Variants in ZDHHC8 observed in about 807,000 individuals in gnomAD.
The protein encoded by ZDHHC8 is palmitoyltransferase ZDHHC8.
Under a neutral mutation model 61.2 loss-of-function variants are expected in ZDHHC8, and 24 were observed. That is an observed-to-expected ratio of 0.39 (90% CI 0.28 to 0.55). ZDHHC8 has a LOEUF of 0.55. Ranked by LOEUF, ZDHHC8 falls within the 20% of genes least tolerant of loss-of-function variation. The pLI is 0.60. For missense variants in ZDHHC8, 935 were observed against 1,102.1 expected, an observed-to-expected ratio of 0.85 and a Z score of 2.15; for synonymous variants, 523 against 492.5, an observed-to-expected ratio of 1.06 and a Z score of -0.82.
Position 20,145,374 on chromosome 22 carries a change from G to A in ZDHHC8, c.2272G>A (p.Gly758Arg). ...GGTTAAGAAGGTGTCCGGCGTGGGT[G>A]GGACCACCTACGAGATCTCGGTGTG... The part of the protein sequence containing the change: ...TLVKKVSGVG[G>R]TTYEISV Residue 758 changes from glycine to arginine, a missense_variant, in exon 11 of 11, where the codon GGG (glycine) becomes AGG (arginine). Gly to Arg is a moderately radical substitution (Grantham distance 125). Around this residue, in one of 3 missense-constraint regions of ZDHHC8, gnomAD observed 692 missense variants for 731.4 expected, o/e 0.95. Transcript: ENST00000334554. 1 of 1,570,698 alleles carries A rather than the reference G, an allele frequency of 6.4e-7. No homozygotes were observed. Among genetic ancestry groups the A allele is most frequent in the Non-Finnish European group, 8.6e-7 (1 of 1,158,854 alleles).
Position 20,140,157 on chromosome 22 carries a change from C to T in ZDHHC8, c.600C>T (p.Val200=). 6.2e-7 allele frequency: 1 copy of T among 1,613,738 alleles called. No homozygotes were observed. ...MCVAGLFFIP[V]IGLTGFHVVL... ...TGGCCGGCCTCTTCTTCATCCCTGT[C>T]ATTGGCCTCACTGGCTTCCATGTGG... is the stretch of plus-strand genomic sequence containing the variant. Residue 200 remains valine (V), a synonymous_variant, in exon 5 of 11, where the codon GTC becomes GTT. Transcript: ENST00000334554.
chr22:20,131,891 C>T lies in ZDHHC8; in HGVS notation c.-57C>T. ...CCCGCCCGCCCGACCCCGGCCCGAC[C>T]CCGGCCGGCCCTGCCCGCCCGGCCC... is the stretch of plus-strand genomic sequence containing the variant. On this transcript the variant is annotated 5_prime_UTR_variant, in exon 1 of 11. Transcript: ENST00000334554. The T allele has an allele frequency of 1.2e-6, 1 of 835,702 alleles. No individual in the cohort carries two copies. The highest frequency in any genetic ancestry group is 1.4e-6 in the Non-Finnish European group (1 of 692,560). 51.8% of individuals were successfully genotyped at this position (835,702 alleles called of 1,614,324 possible).
intron 1 of ZDHHC8, among the ~76,000 whole-genome samples, chr22:20,132,431 T>C (rs972345977): frequency 2.6e-5 from 4 of 152,146 alleles, no homozygotes; most frequent in Admixed American, 2.6e-4. Flanking sequence ...CAACCATGAG[T>C]CTTCTCTGCA....
chr22:20,134,416 C>T (rs1249540843), intron 1 of ZDHHC8, among the ~76,000 whole-genome samples: 1 of 152,206 alleles, frequency 6.6e-6, no homozygotes, highest in East Asian at 1.9e-4. Context: ...AGCAGCTGTG[C>T]TGATTCTGGG....
At chr22:20,132,181 G>A in intron 1 of ZDHHC8, 130 bp downstream of exon 1, 1 of 418,322 alleles carries the variant, frequency 2.4e-6, no homozygotes, top group Middle Eastern at 8.4e-4. Flanking sequence ...CCGGCTGCAG[G>A]CGATGGCAGT....
At chr22:20,136,413 T>C (rs1034042333) in intron 1 of ZDHHC8, among the ~76,000 whole-genome samples, 7 of 152,226 alleles carry the variant, frequency 4.6e-5, no homozygotes, top group Admixed American at 6.5e-5. Flanking sequence ...CATGTCCTTG[T>C]GTGTCCTCCC....
intron 7 of ZDHHC8, 100 bp downstream of exon 7, chr22:20,141,112 G>A (rs570970897): frequency 3.1e-6 from 5 of 1,589,392 alleles, no homozygotes; most frequent in East Asian, 2.2e-5. Flanking sequence ...GGCAGACAGA[G>A]CCGTAGACAG....
chr22:20,146,760 C>T lies in ZDHHC8; in HGVS notation c.*1360C>T, dbSNP rs371131851. On this transcript the variant is annotated 3_prime_UTR_variant, in exon 11 of 11. Coordinates refer to ENST00000334554, the MANE Select transcript of ZDHHC8 (RefSeq NM_013373.4). ...TACCCACAGGGGACTCTCAGGAACC[C>T]GAGAGCTTGGGGAGATGAAATGGGG... is the stretch of plus-strand genomic sequence containing the variant. The T allele has an allele frequency of 5.1e-5, 62 of 1,214,810 alleles. No individual in the cohort carries two copies. Among genetic ancestry groups the T allele is most frequent in the East Asian group, 2.3e-4 (7 of 30,102 alleles). The allele number at this position is 1,214,810 out of a possible 1,614,324, so 75.3% of individuals were successfully genotyped here. A position where few individuals can be genotyped will look rare whatever the true frequency, so the allele number is the denominator to read the frequency against.
chr22:20,137,542 G>A (rs559947313), intron 1 of ZDHHC8, among the ~76,000 whole-genome samples: 6 of 152,406 alleles, frequency 3.9e-5, no homozygotes, highest in Middle Eastern at 3.4e-3. Context: ...GAGGGCCTGC[G>A]TTTGGTTTAA....
chr22:20,136,791 CTG>C (rs758662780), intron 1 of ZDHHC8, among the ~76,000 whole-genome samples: 1 of 152,338 alleles, frequency 6.6e-6, no homozygotes, highest in South Asian at 2.1e-4. Context: ...AACAGGTTGT[CTG>C]TGTGTTTATG....
rs150179091 is a variant in ZDHHC8 at position 20,143,103 on chromosome 22, C to T, written c.1473C>T (p.His491=). ...SLLNPGSPGG[H]ACPAHPAVGV... ...TCAATCCTGGCTCGCCTGGTGGCCACGCCTGCCCTGCCCACCCAGCAGTTG... is the reference window on the plus strand; with the variant it reads ...TCAATCCTGGCTCGCCTGGTGGCCATGCCTGCCCTGCCCACCCAGCAGTTG... The change falls in exon 10 of 11, where the codon CAC becomes CAT. Residue 491 remains histidine (H), a synonymous_variant. Transcript: ENST00000334554. 3,977 of 1,612,362 alleles carry T rather than the reference C, an allele frequency of 2.5e-3. 94 individuals are homozygous for T. The African/African-American group carries it at 0.046, about 19-fold the overall frequency.
At chr22:20,132,762 A>G (rs2050388234) in intron 1 of ZDHHC8, among the ~76,000 whole-genome samples, 1 of 152,184 alleles carries the variant, frequency 6.6e-6, no homozygotes, top group African/African-American at 2.4e-5. Flanking sequence ...TCCAGCCTCA[A>G]CTTCTTCACC....
rs766783275 is a variant in ZDHHC8 at position 20,143,438 on chromosome 22, G to A, written c.1808G>A (p.Arg603His). The change falls in exon 10 of 11, where the codon CGC (arginine) becomes CAC (histidine). Residue 603 changes from arginine (R) to histidine (H), a missense_variant. This residue lies in a region of ZDHHC8 where 692 missense variants were observed against 731.4 expected (regional missense o/e 0.95). Transcript: ENST00000334554. The stretch of plus-strand genomic sequence containing the variant: ...GAGGGCCCCCGAGGTCCCGCGCTGC[G>A]CTATGGCTCCAGAGACGACCTTGTG... ...LSEGPRGPAL[R>H]YGSRDDLVAG... The A allele has an allele frequency of 6.9e-6, 11 of 1,600,414 alleles. No individual in the cohort carries two copies. The highest frequency in any genetic ancestry group is 1.6e-4 in the Middle Eastern group (1 of 6,082).
Position 20,145,594 on chromosome 22 carries a change from TG to T in ZDHHC8, c.*198del. Reference sequence around the variant, plus strand: ...GCCTGCCCGTCCACTCATCTGCCCATGGGGAAGTCGGCTCACTGGGACAAGG... The same window carrying T: ...GCCTGCCCGTCCACTCATCTGCCCATGGGAAGTCGGCTCACTGGGACAAGG... On this transcript the variant is annotated 3_prime_UTR_variant, in exon 11 of 11. Coordinates refer to ENST00000334554, the MANE Select transcript of ZDHHC8 (RefSeq NM_013373.4). 8.0e-7 allele frequency: 1 copy of T among 1,246,654 alleles called. No homozygotes were observed. Among genetic ancestry groups the T allele is most frequent in the Non-Finnish European group, 1.0e-6 (1 of 993,154 alleles). 77.2% of individuals were successfully genotyped at this position (1,246,654 alleles called of 1,614,324 possible). A position where few individuals can be genotyped will look rare whatever the true frequency, so the allele number is the denominator to read the frequency against.
At chr22:20,136,012 A>C (rs1276301573) in intron 1 of ZDHHC8, among the ~76,000 whole-genome samples, 1 of 152,264 alleles carries the variant, frequency 6.6e-6, no homozygotes, top group Admixed American at 6.5e-5. Flanking sequence ...CTGCCAGCCC[A>C]GGCGGGACTT....
rs1260664543 is a variant in ZDHHC8, at chr22:20,147,004, G to A, written c.*1604G>A. ...TCCACCTTTCTGCTTCTCTCTCACG[G>A]ACGCCGCGGCCCGCAGGGGGCGGAT... On this transcript the variant is annotated 3_prime_UTR_variant, in exon 11 of 11. Coordinates refer to ENST00000334554, the MANE Select transcript of ZDHHC8 (RefSeq NM_013373.4). The A allele has an allele frequency of 7.2e-7, 1 of 1,398,588 alleles. No homozygotes were observed. The highest frequency in any genetic ancestry group is 1.6e-5 in the South Asian group (1 of 62,030). The allele number at this position is 1,398,588 out of a possible 1,614,324, so 86.6% of individuals were successfully genotyped here. A position where few individuals can be genotyped will look rare whatever the true frequency, so the allele number is the denominator to read the frequency against.
chr22:20,133,192 G>A, intron 1 of ZDHHC8, among the ~76,000 whole-genome samples: 1 of 152,202 alleles, frequency 6.6e-6, no homozygotes, highest in East Asian at 1.9e-4. Context: ...GTGTGGACGG[G>A]CTTATTTCTG....
chr22:20,135,979 C>G (rs1031299028), intron 1 of ZDHHC8, among the ~76,000 whole-genome samples: 1 of 152,274 alleles, frequency 6.6e-6, no homozygotes, highest in Admixed American at 6.5e-5. Context: ...CCTAAGCCAC[C>G]CCTCTTGCTC....
intron 1 of ZDHHC8, among the ~76,000 whole-genome samples, chr22:20,136,271 G>A (rs1192519183): frequency 2.0e-5 from 3 of 152,228 alleles, no homozygotes; most frequent in Non-Finnish European, 4.4e-5. Flanking sequence ...GTCTGGGTGG[G>A]AGTGGAGCCT....
Sources: allele counts gnomAD v4.1 joint callset (sites outside exome capture counted in the v4.1 genomes callset), GRCh38; gene constraint gnomAD v4.1.1; regional missense constraint gnomAD v4.1.1; transcripts MANE v1.5; gene names NCBI Gene and HGNC (gene_info 2026-07-23, HGNC 2026-07-21).